CD5: variants seen among roughly 807,000 people sequenced by gnomAD.
CD5 encodes CD5 molecule.
Under a neutral mutation model 60.3 loss-of-function variants are expected in CD5, and 36 were observed. That is an observed-to-expected ratio of 0.60 (90% confidence interval 0.46 to 0.79). The LOEUF (loss-of-function observed/expected upper bound fraction) is 0.79, where lower values mean the gene tolerates loss of function less well. CD5 is among the 30% of genes least tolerant of loss of function. The pLI, the probability that CD5 is intolerant of heterozygous loss-of-function variation, is 0.00. For synonymous variants in CD5, 230 were observed against 257.6 expected (o/e 0.89, Z 1.03); for missense variants, 540 against 630.6 (o/e 0.86, Z 1.54).
intron 5 of CD5, among the ~76,000 whole-genome samples, chr11:61,120,152 G>A (rs1398952504): frequency 6.6e-6 from 1 of 152,172 alleles, no homozygotes; most frequent in Non-Finnish European, 1.5e-5. Context: ...GTGGTTGAGG[G>A]GAGGAGGCAG....
chr11:61,097,375 C>T, the CD5 span, among the ~76,000 whole-genome samples: 1 of 152,184 alleles, frequency 6.6e-6, no homozygotes, highest in Admixed American at 6.5e-5. Flanking sequence ...AAAGAATTCA[C>T]TCACCCCGTA....
chr11:61,106,323 G>A (rs1018878494), intron 1 of CD5, among the ~76,000 whole-genome samples: 1 of 152,052 alleles, frequency 6.6e-6, no homozygotes, highest in African/African-American at 2.4e-5. Context: ...AATGAGGGAC[G>A]GAGCCAGCCA....
intron 1 of CD5, among the ~76,000 whole-genome samples, chr11:61,107,457 A>G: frequency 6.6e-6 from 1 of 152,220 alleles, no homozygotes; most frequent in African/African-American, 2.4e-5. Context: ...AGAAGCTTTC[A>G]GATTGTAGAA....
chr11:61,105,650 C>T (rs1170509448), intron 1 of CD5, among the ~76,000 whole-genome samples: 1 of 152,216 alleles, frequency 6.6e-6, no homozygotes, highest in Non-Finnish European at 1.5e-5. Flanking sequence ...CTCTACCCCT[C>T]AATCCTCTTG....
chr11:61,113,481 C>T (rs570275380), intron 1 of CD5, among the ~76,000 whole-genome samples: 9 of 152,336 alleles, frequency 5.9e-5, no homozygotes, highest in Non-Finnish European at 7.4e-5. Flanking sequence ...CTGGGCCTGT[C>T]GCCTTGGCTC....
chr11:61,094,301 G>A, the CD5 span, among the ~76,000 whole-genome samples: 1 of 152,042 alleles, frequency 6.6e-6, no homozygotes, highest in Admixed American at 6.6e-5. Context: ...CTTGGAGTCC[G>A]GACAACTGAA....
At chr11:61,097,206 G>A in the CD5 span, among the ~76,000 whole-genome samples, 15 of 152,274 alleles carry the variant, frequency 9.9e-5, no homozygotes, top group East Asian at 5.8e-4. Flanking sequence ...TTATGTATGC[G>A]GAGGAACTGT....
intron 1 of CD5, among the ~76,000 whole-genome samples, chr11:61,103,093 C>T (rs1199524457): frequency 1.3e-5 from 2 of 152,164 alleles, no homozygotes; most frequent in Non-Finnish European, 2.9e-5. Context: ...AGGGTGGAGC[C>T]GCCTCTGAGG....
At chr11:61,094,089 G>C in the CD5 span, among the ~76,000 whole-genome samples, 1 of 152,042 alleles carries the variant, frequency 6.6e-6, no homozygotes, top group Non-Finnish European at 1.5e-5. Flanking sequence ...GTGATTAACG[G>C]ACAGTTGAGG....
At chr11:61,111,369 A>G (rs549044433) in intron 1 of CD5, among the ~76,000 whole-genome samples, 5 of 152,318 alleles carry the variant, frequency 3.3e-5, no homozygotes, top group African/African-American at 7.2e-5. Context: ...CCTGACATTT[A>G]TACCAGGAAC....
At chr11:61,099,299 A>G (rs1364958796), upstream of CD5, among the ~76,000 whole-genome samples, 2 of 151,896 alleles carry the variant, frequency 1.3e-5, no homozygotes, top group Non-Finnish European at 2.9e-5. Context: ...GAGCTCATAC[A>G]TACACCCCAA....
intron 1 of CD5, among the ~76,000 whole-genome samples, chr11:61,106,734 G>A (rs1207314869): frequency 6.6e-6 from 1 of 152,152 alleles, no homozygotes; most frequent in Non-Finnish European, 1.5e-5. Flanking sequence ...GAACACATAT[G>A]TGCACAGCCC....
At chr11:61,123,483 G>A (rs928869755) in intron 7 of CD5, among the ~76,000 whole-genome samples, 2 of 152,138 alleles carry the variant, frequency 1.3e-5, no homozygotes, top group Non-Finnish European at 1.5e-5. Context: ...GAACGCGGGG[G>A]GTTGTTCTCC....
At chr11:61,107,795 G>C (rs1860797603) in intron 1 of CD5, among the ~76,000 whole-genome samples, 1 of 152,168 alleles carries the variant, frequency 6.6e-6, no homozygotes, top group African/African-American at 2.4e-5. Flanking sequence ...CTCTCCGGGG[G>C]ACAGATACGG....
the CD5 span, among the ~76,000 whole-genome samples, chr11:61,097,236 T>C: frequency 1.3e-5 from 2 of 152,310 alleles, no homozygotes; most frequent in Admixed American, 6.5e-5. Context: ...TCAATGGCCA[T>C]GGGAAGCCCA....
upstream of CD5, among the ~76,000 whole-genome samples, chr11:61,098,066 T>C (rs1441449563): frequency 6.6e-6 from 1 of 152,182 alleles, no homozygotes; most frequent in African/African-American, 2.4e-5. Flanking sequence ...TAGTTAGAGA[T>C]AGGACAAAAC....
At chr11:61,100,940 GGAGATTACA>G (rs1860669695), upstream of CD5, among the ~76,000 whole-genome samples, 6 of 94,942 alleles carry the variant, frequency 6.3e-5, no homozygotes, top group African/African-American at 2.6e-4. Context: ...ACATCAACAT[GGAGATTACA>G]CACACATCAA....
intron 1 of CD5, among the ~76,000 whole-genome samples, chr11:61,111,051 A>G (rs1049840661): frequency 6.6e-6 from 1 of 152,228 alleles, no homozygotes; most frequent in African/African-American, 2.4e-5. Context: ...AGCATTTTTT[A>G]AAGAATTTCA....
In CD5 at chr11:61,123,828, C is replaced by T. The variant is rs1276943003; in HGVS notation, c.1226-56C>T. 4 of 639,370 alleles carry T rather than the reference C, an allele frequency of 6.3e-6. No homozygotes were observed. The East Asian group carries it at 9.7e-5, about 15-fold the overall frequency. The allele number at this position is 639,370 out of a possible 1,614,324, so 39.6% of individuals were successfully genotyped here. A position where few individuals can be genotyped will look rare whatever the true frequency, so the allele number is the denominator to read the frequency against. On this transcript the variant is annotated intron_variant, in intron 7 of 10. Transcript: ENST00000347785. Reference sequence around the variant, plus strand: ...CCAGCCCCATCCCCACCCCTGCCTGCCCCCACCCATACCTGCCCCCACCAC... The same window carrying T: ...CCAGCCCCATCCCCACCCCTGCCTGTCCCCACCCATACCTGCCCCCACCAC...
Sources: allele counts gnomAD v4.1 joint callset (sites outside exome capture counted in the v4.1 genomes callset), GRCh38; gene constraint gnomAD v4.1.1; transcripts MANE v1.5; gene names NCBI Gene and HGNC (gene_info 2026-07-23, HGNC 2026-07-21).